Variants in ABCD2 observed in about 807,000 individuals in gnomAD.
ABCD2 encodes the protein ATP-binding cassette sub-family D member 2.
ABCD2 carries 36 observed loss-of-function variants against 70.9 expected under a neutral mutation model. The ratio of observed to expected loss-of-function variants is 0.51; its 90% CI spans 0.39 to 0.67. The LOEUF (loss-of-function observed/expected upper bound fraction) is 0.67, where lower values mean the gene tolerates loss of function less well. Ranked by LOEUF, ABCD2 falls within the 30% of genes least tolerant of loss-of-function variation. The pLI, the probability that ABCD2 is intolerant of heterozygous loss-of-function variation, is 0.00. For synonymous variants in ABCD2, 304 were observed against 306.9 expected (o/e 0.99, Z 0.10); for missense variants, 729 against 890.2 (o/e 0.82, Z 2.30).
intron 9 of ABCD2, among the ~76,000 whole-genome samples, chr12:39,564,542 T>C (rs1017683689): frequency 3.3e-5 from 5 of 152,352 alleles, no homozygotes; most frequent in Non-Finnish European, 7.3e-5. Flanking sequence ...ATTTGTCAGA[T>C]GAGTAGATTG....
intron 9 of ABCD2, among the ~76,000 whole-genome samples, chr12:39,567,951 G>T (rs542407650): frequency 6.6e-6 from 1 of 151,902 alleles, no homozygotes; most frequent in African/African-American, 2.4e-5. Flanking sequence ...TTGAATATTG[G>T]CCCCCACTCT....
intron 9 of ABCD2, among the ~76,000 whole-genome samples, chr12:39,568,093 A>G (rs550180451): frequency 1.3e-5 from 2 of 151,940 alleles, no homozygotes; most frequent in African/African-American, 4.8e-5. Flanking sequence ...TGAATCTGAC[A>G]ATTATGTGTC....
At chr12:39,534,879 GGAAGGAAAGAAAGAAAGAAA>G in the ABCD2 span, among the ~76,000 whole-genome samples, 13 of 111,124 alleles carry the variant, frequency 1.2e-4, no homozygotes, top group Non-Finnish European at 1.6e-4. Context: ...AAGGAAGGAA[GGAAGGAAAGAAAGAAAGAAA>G]GAAAGAAAGA....
chr12:39,556,133 C>A (rs1046768469), intron 9 of ABCD2, among the ~76,000 whole-genome samples: 1 of 152,174 alleles, frequency 6.6e-6, no homozygotes. Flanking sequence ...GACATCAATT[C>A]ATGACCAGAA....
intron 7 of ABCD2, among the ~76,000 whole-genome samples, chr12:39,584,274 T>C (rs1479441411): frequency 3.3e-5 from 5 of 152,190 alleles, no homozygotes; most frequent in Non-Finnish European, 5.9e-5. Flanking sequence ...ATCAGTGATA[T>C]TGAGCTTTTT....
chr12:39,559,833 G>A (rs1027219626), intron 9 of ABCD2, among the ~76,000 whole-genome samples: 1 of 152,132 alleles, frequency 6.6e-6, no homozygotes, highest in African/African-American at 2.4e-5. Flanking sequence ...AAGCTGAGGG[G>A]CTTTATCACC....
chr12:39,548,880 G>T (rs1941052317), downstream of ABCD2, among the ~76,000 whole-genome samples: 1 of 151,426 alleles, frequency 6.6e-6, no homozygotes, highest in Non-Finnish European at 1.5e-5. Context: ...TAATCTTTTT[G>T]TTTCTATATT....
intron 7 of ABCD2, 66 bp from the exon 8 acceptor site, chr12:39,579,685 A>G: frequency 8.0e-7 from 1 of 1,255,930 alleles, no homozygotes; most frequent in Admixed American, 1.9e-5. Context: ...TTTCTACCCT[A>G]GACAAGTGAT....
rs574400120 is a variant in ABCD2 at position 39,551,398 on chromosome 12, A to G, written c.*2514T>C. 6.6e-6 allele frequency: 1 copy of G among 151,674 alleles called. No individual in the cohort carries two copies. The highest frequency in any genetic ancestry group is 1.9e-4 in the East Asian group (1 of 5,180). 9.4% of individuals were successfully genotyped at this position (151,674 alleles called of 1,614,324 possible). ...TCTTTCTTTTTTCCTTTCCTCATCT[A>G]TCCCTTGCTGTATTCAAAAATGGCT... On this transcript the variant is annotated 3_prime_UTR_variant, in exon 10 of 10. Transcript: ENST00000308666.
chr12:39,555,338 A>G (rs1428705689), intron 9 of ABCD2, among the ~76,000 whole-genome samples: 1 of 152,180 alleles, frequency 6.6e-6, no homozygotes, highest in Non-Finnish European at 1.5e-5. Flanking sequence ...AATGATTTCA[A>G]CGCACAAAGG....
intron 7 of ABCD2, 39 bp downstream of exon 7, chr12:39,586,113 G>A (rs770617917): frequency 4.5e-6 from 7 of 1,555,008 alleles, no homozygotes; most frequent in Admixed American, 1.9e-5. Flanking sequence ...CTTTTTAAAA[G>A]TGAAGTTAAA....
chr12:39,607,896 A>G (rs1284770034), intron 2 of ABCD2, among the ~76,000 whole-genome samples, 182 bp from the exon 3 acceptor site: 1 of 152,140 alleles, frequency 6.6e-6, no homozygotes, highest in East Asian at 1.9e-4. Flanking sequence ...GGCTGGGTGC[A>G]GTGGCTCATG....
At chr12:39,532,343 C>G in the ABCD2 span, among the ~76,000 whole-genome samples, 1 of 152,196 alleles carries the variant, frequency 6.6e-6, no homozygotes, top group South Asian at 2.1e-4. Flanking sequence ...AAACGTGAAG[C>G]TGACATCTGA....
intron 6 of ABCD2, among the ~76,000 whole-genome samples, chr12:39,593,334 C>T (rs967605390): frequency 6.6e-6 from 1 of 152,250 alleles, no homozygotes. Flanking sequence ...CTCACTGCAG[C>T]CTCAACTTCC....
At chr12:39,610,072 A>T (rs1333498064) in intron 2 of ABCD2, among the ~76,000 whole-genome samples, 2 of 152,198 alleles carry the variant, frequency 1.3e-5, no homozygotes, top group Non-Finnish European at 2.9e-5. Context: ...GTAGATTTTG[A>T]GAGACGTCTT....
rs1162874692 is a variant in ABCD2 at position 39,600,625 on chromosome 12, T to A, written c.1592A>T (p.Tyr531Phe). The change falls in exon 6 of 10, where the codon TAT becomes TTT. Residue 531 changes from tyrosine to phenylalanine, a missense_variant. By Grantham distance (22) the Tyr-to-Phe change is conservative. Around this residue, in one of 3 missense-constraint regions of ABCD2, gnomAD observed 289 missense variants for 328.8 expected, o/e 0.88. Coordinates refer to ENST00000308666, the MANE Select transcript of ABCD2 (RefSeq NM_005164.4). ...FRILSGLWPVYEGVLYKPPPQ... is the reference protein window; with the variant it reads ...FRILSGLWPVFEGVLYKPPPQ... ...AGGTGGTTTATAGAGGACTCCTTCA[T>A]ACACAGGCCAGAGCCCACTTAGAAT... 3 of 1,612,792 alleles carry A rather than the reference T, an allele frequency of 1.9e-6. No homozygotes were observed. Among genetic ancestry groups the A allele is most frequent in the Non-Finnish European group, 1.7e-6 (2 of 1,179,390 alleles).
chr12:39,547,452 A>G (rs1941036423), downstream of ABCD2, among the ~76,000 whole-genome samples: 1 of 152,168 alleles, frequency 6.6e-6, no homozygotes. Context: ...AAAATATGGT[A>G]TATACATGTA....
chr12:39,558,016 C>T (rs929574119), intron 9 of ABCD2, among the ~76,000 whole-genome samples: 2 of 152,204 alleles, frequency 1.3e-5, no homozygotes, highest in Non-Finnish European at 2.9e-5. Context: ...GGTAGATCCA[C>T]TAACAGCTTG....
At chr12:39,533,273 C>A in the ABCD2 span, among the ~76,000 whole-genome samples, 3 of 152,178 alleles carry the variant, frequency 2.0e-5, no homozygotes, top group African/African-American at 7.2e-5. Context: ...ATTATGAGTG[C>A]TTTCCTTATA....
Sources: allele counts gnomAD v4.1 joint callset (sites outside exome capture counted in the v4.1 genomes callset), GRCh38; gene constraint gnomAD v4.1.1; regional missense constraint gnomAD v4.1.1; transcripts MANE v1.5; gene names NCBI Gene and HGNC (gene_info 2026-07-23, HGNC 2026-07-21).